Variants in LRP6 observed in about 807,000 individuals in gnomAD.
LRP6 encodes LDL receptor related protein 6.
LRP6 carries 43 observed loss-of-function variants against 184.1 expected under a neutral mutation model. That is an observed-to-expected ratio of 0.23 (90% CI 0.18 to 0.30). The LOEUF (loss-of-function observed/expected upper bound fraction) is 0.30, where lower values mean the gene tolerates loss of function less well. Among genes scored for constraint, LRP6 ranks in the 10% least tolerant of loss-of-function variants. The probability of loss-of-function intolerance (pLI) is 1.00; values close to 1 mark genes in which losing one functional copy is unlikely to be tolerated. For missense variants in LRP6, 1,571 were observed against 2,005.3 expected, an observed-to-expected ratio of 0.78 and a Z score of 4.14; for synonymous variants, 719 against 684.9, an observed-to-expected ratio of 1.05 and a Z score of -0.78.
At chr12:12,159,686 G>T in intron 11 of LRP6, 94 bp downstream of exon 11, 1 of 1,154,248 alleles carries the variant, frequency 8.7e-7, no homozygotes, top group Non-Finnish European at 1.3e-6. Flanking sequence ...TTCATATGAA[G>T]TTGTATTAAA....
At chr12:12,212,729 T>G (rs1244598135) in intron 2 of LRP6, among the ~76,000 whole-genome samples, 1 of 152,258 alleles carries the variant, frequency 6.6e-6, no homozygotes, top group Non-Finnish European at 1.5e-5. Flanking sequence ...GACTTTTTCA[T>G]TAAATGGTCT....
intron 19 of LRP6, 130 bp from the exon 20 acceptor site, chr12:12,127,051 CTTTTT>C (rs1949682482): frequency 1.3e-6 from 1 of 784,270 alleles, no homozygotes; most frequent in Non-Finnish European, 2.2e-6. Context: ...AAACACTTTT[CTTTTT>C]TATGAGTACA....
intron 15 of LRP6, among the ~76,000 whole-genome samples, chr12:12,143,490 G>C (rs963110993): frequency 6.6e-6 from 1 of 152,062 alleles, no homozygotes; most frequent in African/African-American, 2.4e-5. Flanking sequence ...AGACACAGAT[G>C]AATCTATTGC....
intron 16 of LRP6, among the ~76,000 whole-genome samples, chr12:12,137,546 C>T (rs987082701): frequency 6.6e-5 from 10 of 152,048 alleles, no homozygotes; most frequent in Non-Finnish European, 2.9e-5. Context: ...AGAGTCTTCT[C>T]TATGTTTACA....
At chr12:12,187,845 A>T (rs938427975) in intron 3 of LRP6, among the ~76,000 whole-genome samples, 9 of 152,210 alleles carry the variant, frequency 5.9e-5, no homozygotes, top group Non-Finnish European at 1.2e-4. Context: ...ACTTTTTAAA[A>T]GGAAAAGTAG....
At chr12:12,224,090 A>G (rs900909271) in intron 2 of LRP6, among the ~76,000 whole-genome samples, 14 of 152,210 alleles carry the variant, frequency 9.2e-5, no homozygotes, top group African/African-American at 3.4e-4. Flanking sequence ...CCCATCACCC[A>G]CTTCAATGAG....
chr12:12,140,249 T>C (rs1312561793), intron 15 of LRP6, among the ~76,000 whole-genome samples: 1 of 150,204 alleles, frequency 6.7e-6, no homozygotes, highest in Admixed American at 6.6e-5. Context: ...GGGCAGAGCA[T>C]TTGGAGAACA....
At chr12:12,180,929 A>C in intron 6 of LRP6, 114 bp downstream of exon 6, 1 of 1,093,920 alleles carries the variant, frequency 9.1e-7, no homozygotes, top group South Asian at 1.3e-5. Context: ...ACAGCCATTA[A>C]AGAGCTGTTT....
chr12:12,147,222 T>G, intron 15 of LRP6, 144 bp downstream of exon 15: 1 of 842,936 alleles, frequency 1.2e-6, no homozygotes, highest in Non-Finnish European at 1.9e-6. Context: ...GAAAAAGCTC[T>G]TCACCAACCA....
chr12:12,147,258 A>C, intron 15 of LRP6, 108 bp downstream of exon 15: 1 of 1,269,050 alleles, frequency 7.9e-7, no homozygotes, highest in Non-Finnish European at 1.1e-6. Context: ...CATTTAATGA[A>C]TAAAACTGCC....
intron 2 of LRP6, among the ~76,000 whole-genome samples, chr12:12,205,388 G>A (rs146988061): frequency 1.3e-3 from 190 of 146,344 alleles, no homozygotes; most frequent in Non-Finnish European, 2.3e-3. Flanking sequence ...AACAGATCAG[G>A]CACTTAATAA....
chr12:12,135,872 G>A (rs1234780182), intron 16 of LRP6, among the ~76,000 whole-genome samples: 1 of 152,070 alleles, frequency 6.6e-6, no homozygotes, highest in Non-Finnish European at 1.5e-5. Flanking sequence ...ATGAAGAAAT[G>A]TTTACTGAAA....
intron 2 of LRP6, among the ~76,000 whole-genome samples, chr12:12,212,057 G>A (rs769232537): frequency 3.3e-5 from 5 of 152,116 alleles, no homozygotes; most frequent in Non-Finnish European, 5.9e-5. Flanking sequence ...CTGATACTAT[G>A]CTCCAGGTAC....
intron 12 of LRP6, chr12:12,155,757 T>A (rs901862373): frequency 2.1e-6 from 2 of 964,482 alleles, no homozygotes; most frequent in East Asian, 2.4e-5. Flanking sequence ...CTATTCCCTA[T>A]GAATTCATGG....
chr12:12,233,050 C>T (rs1403075255), intron 2 of LRP6, among the ~76,000 whole-genome samples: 4 of 152,318 alleles, frequency 2.6e-5, no homozygotes, highest in African/African-American at 9.6e-5. Flanking sequence ...ATACAAAGTA[C>T]TCAGTACTAC....
Position 12,179,887 on chromosome 12 carries a change from C to G in LRP6, c.1468G>C (p.Gly490Arg), listed in dbSNP as rs1345211383. 4 of 1,613,854 alleles carry G rather than the reference C, an allele frequency of 2.5e-6. No individual in the cohort carries two copies. The highest frequency in any genetic ancestry group is 1.3e-5 in the African/African-American group (1 of 74,988). The part of the protein sequence containing the change: ...DRVVLVNTSL[G>R]WPNGLALDYD... ...TCCAAGGCTAAACCATTTGGCCAAC[C>G]AAGAGAAGTGTTAACCAATACTACA... is the stretch of plus-strand genomic sequence containing the variant. Residue 490 changes from glycine (G) to arginine (R), a missense_variant, in exon 7 of 23, where the codon GGT (glycine) becomes CGT (arginine). Gly to Arg is a moderately radical substitution (Grantham distance 125). Coordinates refer to ENST00000261349, the MANE Select transcript of LRP6 (RefSeq NM_002336.3).
chr12:12,175,121 G>A (rs1167662194), intron 7 of LRP6, among the ~76,000 whole-genome samples: 2 of 152,212 alleles, frequency 1.3e-5, no homozygotes, highest in Non-Finnish European at 2.9e-5. Context: ...GGGCATGGTG[G>A]CTCAAACCTA....
At chr12:12,199,964 C>CAAAAAAAAAAAAAAAAAAAAAAAA in intron 3 of LRP6, among the ~76,000 whole-genome samples, 1 of 45,202 alleles carries the variant, frequency 2.2e-5, no homozygotes, top group Non-Finnish European at 3.6e-5. Context: ...GACTCCATCT[C>CAAAAAAAAAAAAAAAAAAAAAAAA]AAAAAAAAAA....
chr12:12,147,669 G>A (rs1451162813), intron 14 of LRP6, 113 bp from the exon 15 acceptor site: 1 of 930,522 alleles, frequency 1.1e-6, no homozygotes, highest in Admixed American at 2.1e-5. Flanking sequence ...GTTTTTAAAA[G>A]TTTTAAAATA....
Sources: gnomAD v4.1 joint callset for allele counts (sites outside exome capture counted in the v4.1 genomes callset) on GRCh38, gnomAD v4.1.1 for gene constraint, MANE v1.5 for transcripts, NCBI Gene and HGNC (gene_info 2026-07-23, HGNC 2026-07-21) for gene names.